The following SMOC2 variants were observed in gnomAD, a reference collection of about 807,000 sequenced individuals.
The protein encoded by SMOC2 is SPARC related modular calcium binding 2, also known as SPARC-related modular calcium-binding protein 2.
SMOC2 carries 39 observed loss-of-function variants against 61.4 expected under a neutral mutation model. The ratio of observed to expected loss-of-function variants is 0.64; its 90% CI spans 0.49 to 0.83. The LOEUF (loss-of-function observed/expected upper bound fraction) is 0.83, where lower values mean the gene tolerates loss of function less well. SMOC2 is among the 40% of genes least tolerant of loss of function. SMOC2 has a pLI of 0.00. For synonymous variants in SMOC2, 247 were observed against 239.9 expected (o/e 1.03, Z -0.27); for missense variants, 556 against 592.9 (o/e 0.94, Z 0.65).
At chr6:168,558,949 G>A (rs114253867) in intron 7 of SMOC2, among the ~76,000 whole-genome samples, 124 of 152,146 alleles carry the variant, frequency 8.2e-4, no homozygotes, top group Admixed American at 2.3e-3. Flanking sequence ...GTGTGCATGC[G>A]TGTGCATGTG....
At chr6:168,539,501 C>T (rs1783827877) in intron 4 of SMOC2, among the ~76,000 whole-genome samples, 1 of 152,198 alleles carries the variant, frequency 6.6e-6, no homozygotes, top group South Asian at 2.1e-4. Flanking sequence ...GATCTGATGC[C>T]AACCAGAGCC....
Position 168,608,233 on chromosome 6 carries a change from C to G in SMOC2, c.901C>G (p.Leu301Val), listed in dbSNP as rs748668451. Residue 301 changes from leucine to valine, a missense_variant, in exon 9 of 13, where the codon CTA becomes GTA. Physicochemically the swap from Leu to Val is conservative, Grantham distance 32 (BLOSUM62 1). Coordinates refer to ENST00000356284, the MANE Select transcript of SMOC2 (RefSeq NM_001166412.2). ...CCGGGACCTGTACAAGGGCCGCCAG[C>G]TACAAGGTGAGCAGCACCCGCGAGT... is the stretch of plus-strand genomic sequence containing the variant. ...KARDLYKGRQ[L>V]QGCPGAKKHE... The G allele has an allele frequency of 6.2e-7, 1 of 1,612,278 alleles. No homozygotes were observed. Among genetic ancestry groups the G allele is most frequent in the South Asian group, 1.1e-5 (1 of 90,622 alleles).
rs545628285 is a variant in SMOC2, at chr6:168,608,137, C to G, written c.825-20C>G. On this transcript the variant is annotated intron_variant, in intron 8 of 12. Coordinates refer to ENST00000356284, the MANE Select transcript of SMOC2 (RefSeq NM_001166412.2). ...CCCGTTGTTTTCTCTCTCCTTCCCC[C>G]GCCTTCCCCCCGCCCATAGGTACGA... is the stretch of plus-strand genomic sequence containing the variant. 1.3e-6 allele frequency: 2 copies of G among 1,599,910 alleles called. No individual in the cohort carries two copies. Among genetic ancestry groups the G allele is most frequent in the African/African-American group, 2.7e-5 (2 of 74,168 alleles).
chr6:168,569,662 C>T (rs1784621656), intron 7 of SMOC2, among the ~76,000 whole-genome samples: 1 of 151,998 alleles, frequency 6.6e-6, no homozygotes, highest in Non-Finnish European at 1.5e-5. Context: ...CAGGGTGGTC[C>T]CCAACTCCTT....
rs559141793 is a variant in SMOC2, at chr6:168,530,245, G to A, written c.463+2518G>A. Among the ~76,000 whole-genome samples the A allele has an allele frequency of 3.3e-5, 5 of 152,234 alleles. No homozygotes were observed. The South Asian group carries it at 1.0e-3, about 32-fold the overall frequency. On this transcript the variant is annotated intron_variant, in intron 4 of 12. Coordinates refer to ENST00000356284, the MANE Select transcript of SMOC2 (RefSeq NM_001166412.2). ...GGAGGGAAACGGGGCTCCACTGACT[G>A]GCATGATTCCTGGAGAGCAGAGAAA...
intron 2 of SMOC2, 87 bp from the exon 3 acceptor site, chr6:168,526,259 C>G: frequency 1.6e-6 from 2 of 1,236,464 alleles, no homozygotes; most frequent in Non-Finnish European, 2.4e-6. Flanking sequence ...CTGCCTAACT[C>G]ATGCCTTCAC....
chr6:168,501,092 G>A (rs527812340), intron 1 of SMOC2, among the ~76,000 whole-genome samples: 4 of 152,124 alleles, frequency 2.6e-5, no homozygotes, highest in African/African-American at 9.7e-5. Context: ...CGGATGCTAA[G>A]GATAATCTTT....
intron 2 of SMOC2, among the ~76,000 whole-genome samples, chr6:168,511,201 T>C (rs996502092): frequency 1.3e-5 from 2 of 152,188 alleles, no homozygotes; most frequent in African/African-American, 2.4e-5. Context: ...TGAACTTGCC[T>C]AAAGGTGTGT....
chr6:168,536,238 C>A (rs1332651420), intron 4 of SMOC2, among the ~76,000 whole-genome samples: 1 of 152,186 alleles, frequency 6.6e-6, no homozygotes, highest in Non-Finnish European at 1.5e-5. Context: ...ACCATCTCAA[C>A]ACGGGATCCT....
chr6:168,499,464 G>A (rs1172084747), intron 1 of SMOC2, among the ~76,000 whole-genome samples: 1 of 152,158 alleles, frequency 6.6e-6, no homozygotes. Context: ...TCTTTTGTGC[G>A]TTGCAGCCCA....
chr6:168,657,366 G>A (rs557263932), intron 11 of SMOC2, among the ~76,000 whole-genome samples: 64 of 152,344 alleles, frequency 4.2e-4, no homozygotes, highest in African/African-American at 1.5e-3. Context: ...GTTGGAAATC[G>A]TCCACTCTGC....
chr6:168,448,549 G>A (rs1180649080), intron 1 of SMOC2, among the ~76,000 whole-genome samples: 3 of 150,314 alleles, frequency 2.0e-5, no homozygotes, highest in South Asian at 4.3e-4. Context: ...GGAGGAGGAC[G>A]GAGATGGGGA....
chr6:168,650,891 A>G, intron 10 of SMOC2, 108 bp downstream of exon 10: 1 of 982,904 alleles, frequency 1.0e-6, no homozygotes, highest in Non-Finnish European at 1.5e-6. Context: ...TTATTTGGAC[A>G]CAGTAGGGCC....
intron 9 of SMOC2, among the ~76,000 whole-genome samples, chr6:168,637,847 G>T (rs1786781035): frequency 6.6e-6 from 1 of 152,148 alleles, no homozygotes; most frequent in South Asian, 2.1e-4. Context: ...CTTCCCTACG[G>T]GGAAGGGGAA....
chr6:168,646,988 A>G (rs2115267914), intron 9 of SMOC2, among the ~76,000 whole-genome samples: 1 of 149,454 alleles, frequency 6.7e-6, no homozygotes, highest in African/African-American at 2.5e-5. Flanking sequence ...TCTTTCTTGA[A>G]TTGGCTTATT....
chr6:168,598,497 T>C (rs1785386532), intron 7 of SMOC2, among the ~76,000 whole-genome samples: 1 of 152,186 alleles, frequency 6.6e-6, no homozygotes, highest in South Asian at 2.1e-4. Flanking sequence ...CCTGTGGGCA[T>C]CAGATCTGCT....
chr6:168,601,838 C>T (rs1307363181), intron 8 of SMOC2, among the ~76,000 whole-genome samples: 3 of 151,842 alleles, frequency 2.0e-5, no homozygotes, highest in East Asian at 1.9e-4. Flanking sequence ...CCTCTCTTCC[C>T]GTCCATCGAT....
At chr6:168,588,461 G>A (rs563704883) in intron 7 of SMOC2, among the ~76,000 whole-genome samples, 161 of 151,640 alleles carry the variant, frequency 1.1e-3, no homozygotes, top group Non-Finnish European at 1.8e-3. Context: ...ATTCCCAGCC[G>A]GAGCCTCTTT....
At chr6:168,518,279 T>G (rs929830184) in intron 2 of SMOC2, among the ~76,000 whole-genome samples, 2 of 150,888 alleles carry the variant, frequency 1.3e-5, no homozygotes, top group African/African-American at 4.8e-5. Context: ...TGTGCGGGGG[T>G]GTGAGTGTGA....
Sources: gnomAD v4.1 joint callset for allele counts (sites outside exome capture counted in the v4.1 genomes callset) on GRCh38, gnomAD v4.1.1 for gene constraint, MANE v1.5 for transcripts, NCBI Gene and HGNC (gene_info 2026-07-23, HGNC 2026-07-21) for gene names.